ERCC6L2: variants seen among roughly 807,000 people sequenced by gnomAD.
ERCC6L2 encodes the protein ERCC excision repair 6 like 2.
A neutral mutation model predicts 132.0 loss-of-function variants in ERCC6L2; 77 were observed. The observed-to-expected ratio is 0.58, with a 90% CI of 0.49 to 0.71. ERCC6L2 has a LOEUF of 0.71. Ranked by LOEUF, ERCC6L2 falls within the 30% of genes least tolerant of loss-of-function variation. The pLI is 0.00. For synonymous variants in ERCC6L2, 583 were observed against 632.4 expected (o/e 0.92, Z 1.17); for missense variants, 1,542 against 1,837.6 (o/e 0.84, Z 2.94).
At chr9:95,978,460 A>G (rs1005653366) in intron 17 of ERCC6L2, among the ~76,000 whole-genome samples, 5 of 152,204 alleles carry the variant, frequency 3.3e-5, no homozygotes, top group African/African-American at 1.2e-4. Flanking sequence ...CTCAATAAAA[A>G]TTGGCCAGTA....
At chr9:95,923,177 A>AT (rs752490077) in intron 8 of ERCC6L2, 83 bp from the exon 9 acceptor site, 34 of 1,480,736 alleles carry the variant, frequency 2.3e-5, no homozygotes, top group Non-Finnish European at 3.1e-5. Context: ...TCTAAAAAGA[A>AT]TTTTTTTCAT....
intron 17 of ERCC6L2, among the ~76,000 whole-genome samples, chr9:95,989,998 C>A (rs1302093715): frequency 6.6e-6 from 1 of 152,130 alleles, no homozygotes; most frequent in Non-Finnish European, 1.5e-5. Flanking sequence ...ACCAGGCAGA[C>A]TTACATTGGA....
Position 95,881,154 on chromosome 9 carries a change from A to G in ERCC6L2, c.332A>G (p.Asn111Ser), listed in dbSNP as rs1234961688. ...SSSVAFKLSD[N>S]GDSIPYTINR... ...TCTGTTGCTTTTAAATTATCTGACAATGGAGACTCTATTCCTTATACCATC... is the reference window on the plus strand; with the variant it reads ...TCTGTTGCTTTTAAATTATCTGACAGTGGAGACTCTATTCCTTATACCATC... Residue 111 changes from asparagine (N) to serine (S), a missense_variant, in exon 2 of 19, where the codon AAT (asparagine) becomes AGT (serine). Around this residue, in one of 4 missense-constraint regions of ERCC6L2, gnomAD observed 153 missense variants for 132.3 expected, o/e 1.16. Coordinates refer to ENST00000653738, the MANE Select transcript of ERCC6L2 (RefSeq NM_020207.7). 1.9e-6 allele frequency: 3 copies of G among 1,613,836 alleles called. No individual in the cohort carries two copies. The highest frequency in any genetic ancestry group is 2.5e-6 in the Non-Finnish European group (3 of 1,179,894).
intron 13 of ERCC6L2, among the ~76,000 whole-genome samples, chr9:95,958,115 A>G (rs1831706651): frequency 6.9e-6 from 1 of 144,746 alleles, no homozygotes; most frequent in Non-Finnish European, 1.5e-5. Context: ...CCTATGAGTG[A>G]GAACATGCAG....
chr9:95,940,025 C>G (rs140086040), intron 11 of ERCC6L2, among the ~76,000 whole-genome samples: 1 of 152,312 alleles, frequency 6.6e-6, no homozygotes, highest in East Asian at 1.9e-4. Context: ...TGCTTTACTA[C>G]TGCTCCCACC....
At chr9:96,009,173 AGCATGCTGCATACG>A (rs1192799807) in intron 18 of ERCC6L2, among the ~76,000 whole-genome samples, 1 of 152,234 alleles carries the variant, frequency 6.6e-6, no homozygotes, top group Non-Finnish European at 1.5e-5. Flanking sequence ...AATGCTGTAC[AGCATGCTGCATACG>A]CATCTTGAGC....
chr9:96,000,419 A>C (rs1164724086), intron 17 of ERCC6L2, among the ~76,000 whole-genome samples: 7 of 152,226 alleles, frequency 4.6e-5, no homozygotes, highest in Admixed American at 1.3e-4. Flanking sequence ...AATGTCTTAT[A>C]CAAAAAAGAA....
At chr9:95,950,441 A>T (rs1418057590) in intron 12 of ERCC6L2, among the ~76,000 whole-genome samples, 1 of 152,204 alleles carries the variant, frequency 6.6e-6, no homozygotes, top group East Asian at 1.9e-4. Flanking sequence ...CAAAATAGTT[A>T]TAAGACATAT....
chr9:96,040,662 CTT>C (rs1457195708), intron 20 of ERCC6L2, among the ~76,000 whole-genome samples: 1 of 152,242 alleles, frequency 6.6e-6, no homozygotes, highest in Non-Finnish European at 1.5e-5. Context: ...TGCCATGACT[CTT>C]ATGTCCGTAT....
chr9:96,033,252 T>G (rs1339904512), intron 19 of ERCC6L2, among the ~76,000 whole-genome samples: 3 of 39,102 alleles, frequency 7.7e-5, no homozygotes, highest in African/African-American at 1.7e-4. Flanking sequence ...TTCTGGGTTG[T>G]TTTTTTTTTT....
chr9:96,040,565 C>A (rs1470217234), intron 20 of ERCC6L2, among the ~76,000 whole-genome samples: 1 of 152,130 alleles, frequency 6.6e-6, no homozygotes. Flanking sequence ...TGTGCTTAAC[C>A]CCACTAAGGT....
At chr9:95,904,258 C>T (rs768136978) in intron 3 of ERCC6L2, among the ~76,000 whole-genome samples, 3 of 152,048 alleles carry the variant, frequency 2.0e-5, no homozygotes, top group African/African-American at 7.2e-5. Context: ...CTTCTTTCCA[C>T]GTGGAACCTT....
chr9:95,952,837 CAAT>C (rs1831404056), intron 12 of ERCC6L2, among the ~76,000 whole-genome samples: 1 of 127,938 alleles, frequency 7.8e-6, no homozygotes, highest in Non-Finnish European at 1.7e-5. Flanking sequence ...GACTCCGTCT[CAAT>C]AAAAAAAAAA....
intron 18 of ERCC6L2, among the ~76,000 whole-genome samples, chr9:96,006,528 G>A (rs545380819): frequency 2.0e-5 from 3 of 152,358 alleles, no homozygotes; most frequent in African/African-American, 4.8e-5. Flanking sequence ...GGTGCTGTAA[G>A]TTTGAATGTA....
intron 3 of ERCC6L2, among the ~76,000 whole-genome samples, chr9:95,901,394 T>G (rs1001103060): frequency 1.3e-5 from 2 of 152,190 alleles, no homozygotes; most frequent in African/African-American, 2.4e-5. Flanking sequence ...ATATATACAG[T>G]GCTTTATGCA....
chr9:95,876,166 T>C, intron 1 of ERCC6L2, 82 bp downstream of exon 1: 1 of 1,365,078 alleles, frequency 7.3e-7, no homozygotes, highest in Non-Finnish European at 1.0e-6. Context: ...GCCCTTCGGG[T>C]TGGGGTTTTG....
Position 96,012,757 on chromosome 9 carries a change from C to T in ERCC6L2, c.4207C>T (p.Gln1403Ter). 1 of 1,367,454 alleles carries T rather than the reference C, an allele frequency of 7.3e-7. No homozygotes were observed. The highest frequency in any genetic ancestry group is 9.8e-7 in the Non-Finnish European group (1 of 1,021,798). The allele number at this position is 1,367,454 out of a possible 1,614,324, so 84.7% of individuals were successfully genotyped here. Residue 1403 changes from glutamine (Q) to a stop codon, truncating the protein, a stop_gained, in exon 19 of 19, where the codon CAA becomes TAA. Coordinates refer to ENST00000653738, the MANE Select transcript of ERCC6L2 (RefSeq NM_020207.7). LOFTEE classifies it low-confidence loss of function (END_TRUNC). ...ERRLENTMKD[Q>*]QDLTRTGISR... Reference sequence around the variant, plus strand: ...AAGGTTAGAAAATACCATGAAAGACCAACAGGACCTCACAAGAACGGGCAT... The same window carrying T: ...AAGGTTAGAAAATACCATGAAAGACTAACAGGACCTCACAAGAACGGGCAT...
chr9:96,039,549 C>T (rs1429926285), intron 20 of ERCC6L2, among the ~76,000 whole-genome samples: 1 of 152,112 alleles, frequency 6.6e-6, no homozygotes, highest in Non-Finnish European at 1.5e-5. Context: ...GCCAGGGTGG[C>T]AGTGGGACTT....
intron 19 of ERCC6L2, among the ~76,000 whole-genome samples, chr9:96,036,915 C>T (rs1055817527): frequency 9.3e-5 from 14 of 149,972 alleles, no homozygotes; most frequent in Non-Finnish European, 1.8e-4. Flanking sequence ...TACAGGCGCC[C>T]GCCACTACGC....
Sources: gnomAD v4.1 joint callset for allele counts (sites outside exome capture counted in the v4.1 genomes callset) on GRCh38, gnomAD v4.1.1 for gene constraint, gnomAD v4.1.1 regional missense constraint, MANE v1.5 for transcripts, NCBI Gene and HGNC (gene_info 2026-07-23, HGNC 2026-07-21) for gene names.